ZNF732: variants seen among roughly 807,000 people sequenced by gnomAD.
ZNF732 encodes the protein zinc finger protein 732.
Under a neutral mutation model 11.5 loss-of-function variants are expected in ZNF732, and 12 were observed. The ratio of observed to expected loss-of-function variants is 1.05; its 90% confidence interval spans 0.67 to 1.70. The LOEUF (loss-of-function observed/expected upper bound fraction) is 1.70. ZNF732 is among the 40% of genes most tolerant of loss of function. The pLI, the probability that ZNF732 is intolerant of heterozygous loss-of-function variation, is 0.00. For synonymous variants in ZNF732, 231 were observed against 236.5 expected (o/e 0.98, Z 0.21); for missense variants, 702 against 676.9 (o/e 1.04, Z -0.41).
chr4:279,909 T>C (rs781962483), intron 3 of ZNF732, among the ~76,000 whole-genome samples: 1 of 152,176 alleles, frequency 6.6e-6, no homozygotes, highest in African/African-American at 2.4e-5. Context: ...AGGGGCATTA[T>C]TTACACAGGC....
intron 3 of ZNF732, among the ~76,000 whole-genome samples, chr4:282,378 A>C (rs539759730): frequency 6.6e-6 from 1 of 152,278 alleles, no homozygotes; most frequent in South Asian, 2.1e-4. Flanking sequence ...TAAAATAAAG[A>C]TTTCAGAAAG....
rs543518794 is a variant in ZNF732, at chr4:271,573, T to A, written c.1284A>T (p.Gly428=). 3.7e-6 allele frequency: 6 copies of A among 1,612,098 alleles called. No individual in the cohort carries two copies. Among genetic ancestry groups the A allele is most frequent in the East Asian group, 4.5e-5 (2 of 44,840 alleles). The change falls in exon 4 of 4, where the codon GGA becomes GGT. Residue 428 remains glycine, a synonymous_variant. Transcript: ENST00000419098. ...TATGTTTATTCAGGTCTGTGGACCA[T>A]CCAAAGGCTTTGCCACACTCTTCAC... ...HKCEECGKAF[G]WSTDLNKHKI...
intron 1 of ZNF732, among the ~76,000 whole-genome samples, chr4:297,397 G>A (rs1324979362): frequency 6.6e-6 from 1 of 152,136 alleles, no homozygotes; most frequent in East Asian, 1.9e-4. Context: ...TAAATTCTTA[G>A]GACATCCTGG....
At chr4:287,344 G>C (rs1006572288) in intron 3 of ZNF732, among the ~76,000 whole-genome samples, 1 of 149,082 alleles carries the variant, frequency 6.7e-6, no homozygotes, top group Non-Finnish European at 1.5e-5. Flanking sequence ...CCTCCCGAGT[G>C]GCTGGGATTA....
chr4:276,400 C>T (rs1384628341), intron 3 of ZNF732, among the ~76,000 whole-genome samples: 3 of 151,770 alleles, frequency 2.0e-5, no homozygotes, highest in East Asian at 3.9e-4. Context: ...TGTTGTGTTC[C>T]AGATCTCAGA....
At chr4:305,094 GGGCGCAGAGCTGCACAAGTAGGGCTGCA>G (rs1720203735) in intron 1 of ZNF732, among the ~76,000 whole-genome samples, 186 bp downstream of exon 1, 1 of 152,202 alleles carries the variant, frequency 6.6e-6, no homozygotes, top group Non-Finnish European at 1.5e-5. Context: ...GCGGGGCTGC[GGGCGCAGAGCTGCACAAGTAGGGCTGCA>G]GGCTGGGCCA....
intron 3 of ZNF732, among the ~76,000 whole-genome samples, chr4:284,762 T>C (rs1470296465): frequency 6.7e-6 from 1 of 148,390 alleles, no homozygotes; most frequent in African/African-American, 2.5e-5. Flanking sequence ...ACCCAGCTAC[T>C]CGGGAGGCTG....
intron 1 of ZNF732, among the ~76,000 whole-genome samples, chr4:299,435 GTATATATATATATATACACATA>G (rs1720045745): frequency 1.2e-4 from 11 of 95,448 alleles, no homozygotes; most frequent in African/African-American, 3.7e-4. Context: ...ACACATATGT[GTATATATATATATATACACATA>G]TGTGTATATA....
At chr4:282,526 T>A (rs1398171260) in intron 3 of ZNF732, among the ~76,000 whole-genome samples, 2 of 152,112 alleles carry the variant, frequency 1.3e-5, no homozygotes, top group African/African-American at 4.8e-5. Flanking sequence ...GGCAAAACCC[T>A]GTCTCTACAA....
chr4:293,244 G>GTATATATA (rs537779142), intron 3 of ZNF732, among the ~76,000 whole-genome samples: 9 of 143,952 alleles, frequency 6.3e-5, no homozygotes, highest in African/African-American at 2.3e-4. Flanking sequence ...GTGTGTGTGT[G>GTATATATA]TATATATATA....
At chr4:298,697 G>C (rs73791821) in intron 1 of ZNF732, among the ~76,000 whole-genome samples, 2 of 152,064 alleles carry the variant, frequency 1.3e-5, no homozygotes, top group African/African-American at 2.4e-5. Context: ...AACAGAAAAT[G>C]AAACAGCCCT....
At chr4:286,867 A>C (rs1420558961) in intron 3 of ZNF732, among the ~76,000 whole-genome samples, 1 of 152,164 alleles carries the variant, frequency 6.6e-6, no homozygotes, top group Non-Finnish European at 1.5e-5. Context: ...TAAAACTAGA[A>C]ATCGGCCAGG....
chr4:288,818 C>T (rs1264124911), intron 3 of ZNF732, among the ~76,000 whole-genome samples: 5 of 152,056 alleles, frequency 3.3e-5, no homozygotes, highest in African/African-American at 4.8e-5. Context: ...CTTTGGGAGG[C>T]GGAAGTGGGC....
chr4:278,443 CAG>C (rs1284543943), intron 3 of ZNF732, among the ~76,000 whole-genome samples: 1 of 152,094 alleles, frequency 6.6e-6, no homozygotes, highest in African/African-American at 2.4e-5. Flanking sequence ...TATTTTAAAA[CAG>C]ATATTCTGAC....
At chr4:292,557 C>CA (rs200025940) in intron 3 of ZNF732, among the ~76,000 whole-genome samples, 2,299 of 89,882 alleles carry the variant, frequency 0.026, 59 homozygotes, top group African/African-American at 0.079. Context: ...AACTCTGTCT[C>CA]AAAAAAAAAA....
At chr4:276,509 TTTG>T (rs1406384907) in intron 3 of ZNF732, among the ~76,000 whole-genome samples, 2 of 151,950 alleles carry the variant, frequency 1.3e-5, no homozygotes, top group Admixed American at 1.3e-4. Context: ...CTATACCTAA[TTTG>T]TTGAGTTTCT....
chr4:295,608 A>T, intron 2 of ZNF732, 75 bp from the exon 3 acceptor site: 1 of 1,239,010 alleles, frequency 8.1e-7, no homozygotes. Flanking sequence ...ACTAAGTAGA[A>T]AAGAGAAATT....
chr4:282,640 T>C (rs1719640623), intron 3 of ZNF732, among the ~76,000 whole-genome samples: 1 of 152,138 alleles, frequency 6.6e-6, no homozygotes, highest in Non-Finnish European at 1.5e-5. Flanking sequence ...AGTTCAAGGC[T>C]GCACTGAGCT....
At chr4:281,960 A>G (rs1553839901) in intron 3 of ZNF732, among the ~76,000 whole-genome samples, 1 of 152,330 alleles carries the variant, frequency 6.6e-6, no homozygotes, top group East Asian at 1.9e-4. Context: ...TTTTTGCAAC[A>G]ATGCATGAAG....
Sources: gnomAD v4.1 joint callset for allele counts (sites outside exome capture counted in the v4.1 genomes callset) on GRCh38, gnomAD v4.1.1 for gene constraint, MANE v1.5 for transcripts, NCBI Gene and HGNC (gene_info 2026-07-23, HGNC 2026-07-21) for gene names.